The following CSMD1 variants were observed in gnomAD, a reference collection of about 807,000 sequenced individuals.
CSMD1 encodes the protein CUB and Sushi multiple domains 1.
CSMD1 carries 213 observed loss-of-function variants against 417.5 expected under a neutral mutation model. That is an observed-to-expected ratio of 0.51 (90% CI 0.46 to 0.57). The LOEUF is 0.57. CSMD1 is among the 20% of genes least tolerant of loss of function. The pLI is 0.00. For missense variants in CSMD1, 6,923 were observed against 4,529.7 expected, an observed-to-expected ratio of 1.53 and a Z score of -15.17; for synonymous variants, 2,862 against 1,736.8, an observed-to-expected ratio of 1.65 and a Z score of -16.11.
At chr8:4,119,731 C>T (rs1464389572) in intron 3 of CSMD1, among the ~76,000 whole-genome samples, 1 of 152,190 alleles carries the variant, frequency 6.6e-6, no homozygotes, top group Non-Finnish European at 1.5e-5. Flanking sequence ...AACTTCCAGC[C>T]TCCAAACAGT....
At chr8:3,701,243 A>T (rs773418205) in intron 7 of CSMD1, among the ~76,000 whole-genome samples, 2 of 152,170 alleles carry the variant, frequency 1.3e-5, no homozygotes, top group African/African-American at 4.8e-5. Context: ...ACCTCAGTCC[A>T]TTCTGGAATT....
chr8:4,354,187 C>T (rs185787542), intron 3 of CSMD1, among the ~76,000 whole-genome samples: 596 of 152,322 alleles, frequency 3.9e-3, no homozygotes, highest in African/African-American at 0.013. Context: ...AACATGTCCA[C>T]AAGCACATCT....
intron 50 of CSMD1, among the ~76,000 whole-genome samples, chr8:3,041,493 C>T (rs1039135319): frequency 6.6e-6 from 1 of 152,156 alleles, no homozygotes; most frequent in Admixed American, 6.5e-5. Context: ...GTAATATTAT[C>T]CATAGCATCA....
chr8:3,833,592 G>C (rs1036376632), intron 5 of CSMD1, among the ~76,000 whole-genome samples: 2 of 151,916 alleles, frequency 1.3e-5, no homozygotes, highest in African/African-American at 4.8e-5. Flanking sequence ...TAATTTTGAT[G>C]ATACTTTGAA....
At chr8:3,372,895 C>A (rs1437630385) in intron 18 of CSMD1, among the ~76,000 whole-genome samples, 1 of 152,064 alleles carries the variant, frequency 6.6e-6, no homozygotes, top group African/African-American at 2.4e-5. Flanking sequence ...GCCAGCGCAC[C>A]GCGTAGTGGG....
chr8:4,010,986 G>A (rs1409436939), intron 4 of CSMD1, among the ~76,000 whole-genome samples: 1 of 152,142 alleles, frequency 6.6e-6, no homozygotes, highest in Non-Finnish European at 1.5e-5. Flanking sequence ...TCTGTTCACT[G>A]CTCCCTTTCT....
At position 4,044,829 on chromosome 8, in the gene CSMD1, G is replaced by A. The variant is rs6989125; in HGVS notation, c.416-12730C>T. On this transcript the variant is annotated intron_variant, in intron 3 of 69. Coordinates refer to ENST00000635120, the MANE Select transcript of CSMD1 (RefSeq NM_033225.6). ...GGATGTGAACCATCCTCGATGAGTA[G>A]CACCCCAGGCTTGTACCATGCTGGG... Among the ~76,000 whole-genome samples, 90 of 126,476 alleles carry A rather than the reference G, an allele frequency of 7.1e-4. 1 individual carries two copies. In the Middle Eastern group the frequency reaches 0.013, roughly 18 times the overall value. The allele number at this position is 126,476 out of a possible 152,430, so 83.0% of individuals were successfully genotyped here.
intron 1 of CSMD1, among the ~76,000 whole-genome samples, chr8:4,805,798 T>C (rs571468605): frequency 1.3e-5 from 2 of 152,276 alleles, no homozygotes; most frequent in South Asian, 4.1e-4. Flanking sequence ...CACGTTGAGA[T>C]GAAATGTGGT....
intron 3 of CSMD1, among the ~76,000 whole-genome samples, chr8:4,257,201 C>G (rs1236115912): frequency 2.1e-3 from 1 of 480 alleles, no homozygotes; most frequent in Non-Finnish European, 0.011. Context: ...CATTTTTAAG[C>G]ATGAGAGTTT....
chr8:4,405,411 T>A (rs1804939914), intron 3 of CSMD1, among the ~76,000 whole-genome samples: 1 of 152,004 alleles, frequency 6.6e-6, no homozygotes, highest in African/African-American at 2.4e-5. Flanking sequence ...CATAAGCGAG[T>A]TTCTTAACCT....
intron 5 of CSMD1, among the ~76,000 whole-genome samples, chr8:3,969,799 C>A (rs575104519): frequency 8.1e-4 from 123 of 152,104 alleles, no homozygotes; most frequent in Non-Finnish European, 1.5e-3. Context: ...ATCTAACCTC[C>A]TACCAAGAGA....
intron 1 of CSMD1, among the ~76,000 whole-genome samples, chr8:4,731,187 T>G (rs1486466455): frequency 6.6e-6 from 1 of 152,140 alleles, no homozygotes; most frequent in Non-Finnish European, 1.5e-5. Context: ...TAAAGAGAAA[T>G]TCCACTACTG....
chr8:3,366,973 C>G (rs947795898), intron 20 of CSMD1, 59 bp downstream of exon 20: 3 of 1,308,956 alleles, frequency 2.3e-6, no homozygotes, highest in South Asian at 1.2e-5. Flanking sequence ...CACATTCTCA[C>G]TAACAGAAAT....
rs979235673 is a variant in CSMD1, at chr8:4,783,799, G to C, written c.86-146241C>G. ...CCTCATTTGTAACTGTGGAGGCTTT[G>C]ACACAAGGCATCAACCAGCCTAAGG... is the stretch of plus-strand genomic sequence containing the variant. On this transcript the variant is annotated intron_variant, in intron 1 of 69. Coordinates refer to ENST00000635120, the MANE Select transcript of CSMD1 (RefSeq NM_033225.6). 3.9e-5 allele frequency among the ~76,000 whole-genome samples: 6 copies of C among 152,156 alleles called. No homozygotes were observed. The East Asian group carries it at 9.7e-4, about 24-fold the overall frequency.
chr8:4,087,293 C>G (rs554075635), intron 3 of CSMD1, among the ~76,000 whole-genome samples: 20 of 152,304 alleles, frequency 1.3e-4, no homozygotes, highest in African/African-American at 4.3e-4. Flanking sequence ...CCTTCCTTCT[C>G]CTTCCTGCAG....
At chr8:3,305,233 G>C (rs549770396) in intron 25 of CSMD1, among the ~76,000 whole-genome samples, 1 of 152,084 alleles carries the variant, frequency 6.6e-6, no homozygotes, top group East Asian at 1.9e-4. Flanking sequence ...TGAGGAATAT[G>C]AAATATTAAA....
intron 12 of CSMD1, among the ~76,000 whole-genome samples, chr8:3,452,742 C>T (rs1448061887): frequency 6.6e-6 from 1 of 152,158 alleles, no homozygotes; most frequent in Non-Finnish European, 1.5e-5. Context: ...AGGATTTTTG[C>T]ATCGATGTTC....
intron 2 of CSMD1, among the ~76,000 whole-genome samples, chr8:4,511,640 C>G (rs961344053): frequency 3.4e-4 from 52 of 152,016 alleles, no homozygotes; most frequent in African/African-American, 1.1e-3. Flanking sequence ...GTGATGGTAC[C>G]AGGGCAGAAA....
intron 1 of CSMD1, among the ~76,000 whole-genome samples, chr8:4,681,940 T>A (rs1806077438): frequency 6.6e-6 from 1 of 152,166 alleles, no homozygotes; most frequent in African/African-American, 2.4e-5. Context: ...AAGTGTTGAT[T>A]TATTTTCTTT....
Sources: gnomAD v4.1 joint callset for allele counts (sites outside exome capture counted in the v4.1 genomes callset) on GRCh38, gnomAD v4.1.1 for gene constraint, MANE v1.5 for transcripts, NCBI Gene and HGNC (gene_info 2026-07-23, HGNC 2026-07-21) for gene names.